Variants in CRTAC1 observed in about 807,000 individuals in gnomAD.
The protein encoded by CRTAC1 is cartilage acidic protein 1.
In CRTAC1, 37 loss-of-function variants were observed where a neutral mutation model predicts 67.8. The observed-to-expected ratio is 0.55, with a 90% CI of 0.42 to 0.72. The LOEUF (loss-of-function observed/expected upper bound fraction) is 0.72, where lower values mean the gene tolerates loss of function less well. Among genes scored for constraint, CRTAC1 ranks in the 30% least tolerant of loss-of-function variants. The pLI, the probability that CRTAC1 is intolerant of heterozygous loss-of-function variation, is 0.00. For missense variants in CRTAC1, 780 were observed against 931.6 expected (o/e 0.84, Z 2.12); for synonymous variants, 348 against 371.0 (o/e 0.94, Z 0.71).
rs537163318 is a variant in CRTAC1, at chr10:98,029,491, A to AGCAGCGGCGGCG, written c.24+957_24+958insCGCCGCCGCTGC. ...ACTGGGTGCACCCACCAGCAGCAGC[A>AGCAGCGGCGGCG]GCGGCGGCGGCGGCGGCGGCGGCGG... On this transcript the variant is annotated intron_variant, in intron 1 of 14. Coordinates refer to ENST00000370597, the MANE Select transcript of CRTAC1 (RefSeq NM_018058.7). The surrounding 1 kb of genome is among the most constrained non-coding windows in gnomAD (Gnocchi z 4.7). Among the ~76,000 whole-genome samples the AGCAGCGGCGGCG allele has an allele frequency of 1.4e-5, 2 of 140,364 alleles. No homozygotes were observed. Among genetic ancestry groups the AGCAGCGGCGGCG allele is most frequent in the African/African-American group, 5.7e-5 (2 of 35,284 alleles). 92.1% of individuals were successfully genotyped at this position (140,364 alleles called of 152,430 possible). A position where few individuals can be genotyped will look rare whatever the true frequency, so the allele number is the denominator to read the frequency against.
At chr10:97,876,041 T>C (rs551595767) in intron 14 of CRTAC1, 2 of 152,334 alleles carry the variant, frequency 1.3e-5, no homozygotes, top group East Asian at 1.9e-4. Context: ...AACGTGACCG[T>C]GGGGAGGACT....
intron 3 of CRTAC1, among the ~76,000 whole-genome samples, chr10:97,929,026 T>A (rs1260287527): frequency 3.3e-5 from 5 of 151,760 alleles, no homozygotes; most frequent in Non-Finnish European, 1.5e-5. Flanking sequence ...AGCTCAGGCT[T>A]GATCGGGATG....
In CRTAC1 at chr10:97,882,773, G is replaced by A; in HGVS notation, c.1675+13C>T. 6.8e-6 allele frequency: 11 copies of A among 1,613,756 alleles called. No individual in the cohort carries two copies. The highest frequency in any genetic ancestry group is 9.3e-6 in the Non-Finnish European group (11 of 1,179,664). ...GCCTCTACCCCATGCCCTGGTGACT[G>A]AAGGCAACTCACCCATGCAATGGCC... On this transcript the variant is annotated intron_variant, in intron 13 of 14. Transcript: ENST00000370597.
intron 2 of CRTAC1, among the ~76,000 whole-genome samples, chr10:97,986,120 G>C (rs1398830275): frequency 6.6e-6 from 1 of 152,236 alleles, no homozygotes; most frequent in African/African-American, 2.4e-5. Context: ...AGATGAGGCT[G>C]TGTCTCAGAT....
intron 2 of CRTAC1, among the ~76,000 whole-genome samples, chr10:97,961,176 T>G (rs1408161569): frequency 6.6e-6 from 1 of 152,138 alleles, no homozygotes; most frequent in Non-Finnish European, 1.5e-5. Context: ...CTTAACAGGT[T>G]ATTGGTTCTA....
intron 5 of CRTAC1, among the ~76,000 whole-genome samples, chr10:97,910,066 G>A (rs1466770676): frequency 2.6e-5 from 4 of 152,078 alleles, no homozygotes; most frequent in Non-Finnish European, 5.9e-5. Context: ...GGGGTGTTGG[G>A]GAAATGTTGG....
intron 2 of CRTAC1, among the ~76,000 whole-genome samples, chr10:97,938,416 C>T (rs929336967): frequency 2.6e-5 from 4 of 152,160 alleles, no homozygotes; most frequent in Non-Finnish European, 5.9e-5. Flanking sequence ...CTCATATGCA[C>T]AGTCTCACTT....
intron 2 of CRTAC1, among the ~76,000 whole-genome samples, chr10:97,946,452 G>A (rs2051265374): frequency 6.6e-6 from 1 of 152,144 alleles, no homozygotes; most frequent in South Asian, 2.1e-4. Flanking sequence ...GACCAGAGGG[G>A]AGATTGTGTT....
At chr10:97,920,042 C>G (rs926432502) in intron 4 of CRTAC1, among the ~76,000 whole-genome samples, 1 of 152,076 alleles carries the variant, frequency 6.6e-6, no homozygotes, top group Non-Finnish European at 1.5e-5. Flanking sequence ...AGCCACCACA[C>G]CTGGCCTAAC....
chr10:97,991,469 C>T (rs1469852260), intron 2 of CRTAC1, among the ~76,000 whole-genome samples: 1 of 146,874 alleles, frequency 6.8e-6, no homozygotes, highest in Non-Finnish European at 1.5e-5. Flanking sequence ...AAAAAAGTTA[C>T]ATAGTGTCAT....
chr10:97,976,122 C>G (rs1204287206), intron 2 of CRTAC1, among the ~76,000 whole-genome samples: 1 of 152,232 alleles, frequency 6.6e-6, no homozygotes, highest in Non-Finnish European at 1.5e-5. Flanking sequence ...GCAGCGTACT[C>G]TCATCCAGAC....
chr10:97,973,098 T>A (rs2051741401), intron 2 of CRTAC1, among the ~76,000 whole-genome samples: 1 of 152,240 alleles, frequency 6.6e-6, no homozygotes, highest in Admixed American at 6.5e-5. Context: ...TGCCAACTAA[T>A]TGTGTGTGTA....
chr10:98,025,637 C>T (rs1027987595), intron 1 of CRTAC1, among the ~76,000 whole-genome samples: 9 of 152,182 alleles, frequency 5.9e-5, no homozygotes, highest in African/African-American at 2.2e-4. Context: ...ATACTTTCTC[C>T]TAAGGAAAGT....
intron 1 of CRTAC1, among the ~76,000 whole-genome samples, chr10:98,016,054 T>C (rs1361297670): frequency 6.6e-6 from 1 of 152,188 alleles, no homozygotes; most frequent in Non-Finnish European, 1.5e-5. Flanking sequence ...GCTGGCTGTC[T>C]TCAGCTCAAG....
chr10:97,889,268 C>T (rs540896783), intron 11 of CRTAC1, among the ~76,000 whole-genome samples: 5 of 151,328 alleles, frequency 3.3e-5, no homozygotes, highest in Admixed American at 2.0e-4. Flanking sequence ...TGCCTCAGCC[C>T]GCTGCCAGCT....
intron 2 of CRTAC1, among the ~76,000 whole-genome samples, chr10:98,009,788 T>C (rs1426662517): frequency 6.6e-6 from 1 of 152,202 alleles, no homozygotes; most frequent in Admixed American, 6.5e-5. Context: ...TTTGAAGTGA[T>C]AACGAAACTT....
chr10:98,016,506 G>T (rs1311329066), intron 1 of CRTAC1, among the ~76,000 whole-genome samples: 3 of 152,156 alleles, frequency 2.0e-5, no homozygotes, highest in Non-Finnish European at 4.4e-5. Flanking sequence ...TAGGTGTGGG[G>T]TGGTCCCTGA....
In CRTAC1 at chr10:97,974,461, C is replaced by T. The variant is rs76488234; in HGVS notation, c.224+36677G>A. Reference sequence around the variant, plus strand: ...TAGGAAAAAATCAGAGACAACACCGCGTAGAGCGTCTGAATAGAATTGTGT... The same window carrying T: ...TAGGAAAAAATCAGAGACAACACCGTGTAGAGCGTCTGAATAGAATTGTGT... On this transcript the variant is annotated intron_variant, in intron 2 of 14. Coordinates refer to ENST00000370597, the MANE Select transcript of CRTAC1 (RefSeq NM_018058.7). Among the ~76,000 whole-genome samples, 221 of 152,326 alleles carry T rather than the reference C, an allele frequency of 1.5e-3. 1 individual carries two copies. The highest frequency in any genetic ancestry group is 5.3e-3 in the African/African-American group (220 of 41,570).
At chr10:98,017,136 G>GGGAGTAGCACTCCCCGGCA (rs1564937124) in intron 1 of CRTAC1, among the ~76,000 whole-genome samples, 1 of 152,194 alleles carries the variant, frequency 6.6e-6, no homozygotes, top group Admixed American at 6.5e-5. Context: ...TTAGAGCACT[G>GGGAGTAGCACTCCCCGGCA]GGAGTAGCAC....
Sources: allele counts gnomAD v4.1 joint callset (sites outside exome capture counted in the v4.1 genomes callset), GRCh38; gene constraint gnomAD v4.1.1; non-coding constraint Gnocchi (gnomAD v3.1); transcripts MANE v1.5; gene names NCBI Gene and HGNC (gene_info 2026-07-23, HGNC 2026-07-21).